PPP3CA: variants seen among roughly 807,000 people sequenced by gnomAD.
PPP3CA encodes CAM-PRP catalytic subunit.
Under a neutral mutation model 66.5 loss-of-function variants are expected in PPP3CA, and 14 were observed. The observed-to-expected ratio is 0.21, with a 90% CI of 0.14 to 0.33. The LOEUF (loss-of-function observed/expected upper bound fraction) is 0.33. Among genes scored for constraint, PPP3CA ranks in the 10% least tolerant of loss-of-function variants. PPP3CA has a pLI of 1.00. For missense variants in PPP3CA, 317 were observed against 639.5 expected, an observed-to-expected ratio of 0.50 and a Z score of 5.44; for synonymous variants, 232 against 226.2, an observed-to-expected ratio of 1.03 and a Z score of -0.23.
At chr4:101,146,297 G>A (rs150858463) in intron 2 of PPP3CA, among the ~76,000 whole-genome samples, 245 of 152,224 alleles carry the variant, frequency 1.6e-3, no homozygotes, top group African/African-American at 5.7e-3. Flanking sequence ...CAGGCAACAG[G>A]GTAATGGATG....
intron 10 of PPP3CA, among the ~76,000 whole-genome samples, chr4:101,056,836 C>CA (rs572758644): frequency 0.029 from 2,337 of 79,584 alleles, 47 homozygotes; most frequent in African/African-American, 0.065. Context: ...ATAATGTTAC[C>CA]AAAAAAAAAA....
chr4:101,233,884 T>C (rs143538819), intron 1 of PPP3CA, among the ~76,000 whole-genome samples: 2 of 151,776 alleles, frequency 1.3e-5, no homozygotes, highest in East Asian at 3.9e-4. Context: ...TCATACCCAA[T>C]AGATATTTTT....
At position 101,346,594 on chromosome 4, in the gene PPP3CA, G is replaced by A. The variant is rs966840689; in HGVS notation, c.58+145C>T. On this transcript the variant is annotated intron_variant, in intron 1 of 13. Coordinates refer to ENST00000394854, the MANE Select transcript of PPP3CA (RefSeq NM_000944.5). ...GGGCGGGGGGTTCGCGGGGTTCGCG[G>A]GTTGCACAATATCCTAGAAGGTCCG... 8.9e-6 allele frequency: 6 copies of A among 675,588 alleles called. No individual in the cohort carries two copies. The Admixed American group carries it at 1.3e-4, about 15-fold the overall frequency. 41.8% of individuals were successfully genotyped at this position (675,588 alleles called of 1,614,324 possible). A position where few individuals can be genotyped will look rare whatever the true frequency, so the allele number is the denominator to read the frequency against.
At chr4:101,119,143 A>C (rs987711915) in intron 2 of PPP3CA, among the ~76,000 whole-genome samples, 1 of 152,034 alleles carries the variant, frequency 6.6e-6, no homozygotes. Context: ...ATCTGTAATC[A>C]ATGTGGCCAT....
intron 1 of PPP3CA, among the ~76,000 whole-genome samples, chr4:101,246,326 GA>G (rs1560678452): frequency 6.6e-6 from 1 of 152,138 alleles, no homozygotes; most frequent in Non-Finnish European, 1.5e-5. Flanking sequence ...TTTAAGAGAG[GA>G]AGGGGCCAAT....
At chr4:101,096,196 T>C (rs556837351) in intron 5 of PPP3CA, among the ~76,000 whole-genome samples, 5 of 152,322 alleles carry the variant, frequency 3.3e-5, no homozygotes, top group African/African-American at 1.2e-4. Flanking sequence ...CACTTGAACC[T>C]CAATGATAGG....
chr4:101,147,172 T>G (rs545599269), intron 2 of PPP3CA, among the ~76,000 whole-genome samples: 1 of 152,328 alleles, frequency 6.6e-6, no homozygotes, highest in African/African-American at 2.4e-5. Context: ...ACTCTGTTGT[T>G]AAAGGCAATA....
intron 4 of PPP3CA, among the ~76,000 whole-genome samples, chr4:101,099,132 T>C (rs1172389572): frequency 6.6e-6 from 1 of 151,840 alleles, no homozygotes; most frequent in Admixed American, 6.6e-5. Context: ...ATAAGAAAAA[T>C]TGTAAGGAGG....
intron 1 of PPP3CA, among the ~76,000 whole-genome samples, chr4:101,343,336 T>C (rs1729875431): frequency 6.6e-6 from 1 of 152,106 alleles, no homozygotes. Context: ...CAATAGGGAA[T>C]GCTAGGGCCA....
At chr4:101,077,471 T>G (rs1335454321) in intron 8 of PPP3CA, among the ~76,000 whole-genome samples, 1 of 152,214 alleles carries the variant, frequency 6.6e-6, no homozygotes, top group East Asian at 1.9e-4. Context: ...TTTATTACAC[T>G]GCTTTTAAAA....
In PPP3CA at chr4:101,158,001, T is replaced by C. The variant is rs185832561; in HGVS notation, c.259+37915A>G. 3.3e-5 allele frequency among the ~76,000 whole-genome samples: 5 copies of C among 152,292 alleles called. No homozygotes were observed. In the East Asian group the frequency reaches 9.6e-4, roughly 29 times the overall value. On this transcript the variant is annotated intron_variant, in intron 2 of 13. Coordinates refer to ENST00000394854, the MANE Select transcript of PPP3CA (RefSeq NM_000944.5). ...AAATAATGAAAATAATGATGTCATA[T>C]TGATATACATCCTAATTAACACAGA...
intron 1 of PPP3CA, among the ~76,000 whole-genome samples, chr4:101,231,118 C>T (rs1725947039): frequency 6.6e-6 from 1 of 151,682 alleles, no homozygotes; most frequent in South Asian, 2.1e-4. Context: ...GACCACTCTT[C>T]TTTCCCACCT....
At chr4:101,208,940 T>C (rs1282243570) in intron 1 of PPP3CA, among the ~76,000 whole-genome samples, 1 of 152,112 alleles carries the variant, frequency 6.6e-6, no homozygotes, top group Non-Finnish European at 1.5e-5. Flanking sequence ...TCATTACATA[T>C]CGGAGGAAGA....
chr4:101,189,522 T>A (rs1467349790), intron 2 of PPP3CA, among the ~76,000 whole-genome samples: 1 of 151,990 alleles, frequency 6.6e-6, no homozygotes, highest in Admixed American at 6.6e-5. Context: ...GCTTGGGATT[T>A]AATCCCAATT....
intron 3 of PPP3CA, among the ~76,000 whole-genome samples, chr4:101,106,472 AAAG>A (rs1730749679): frequency 1.8e-5 from 1 of 54,282 alleles, no homozygotes; most frequent in Admixed American, 1.5e-4. Context: ...AAAGAAAAGA[AAAG>A]AAAAGAAAAG....
chr4:101,263,439 A>G (rs1727068882), intron 1 of PPP3CA, among the ~76,000 whole-genome samples: 1 of 152,188 alleles, frequency 6.6e-6, no homozygotes, highest in Non-Finnish European at 1.5e-5. Context: ...TATAATCAAC[A>G]AACAAATGTT....
At chr4:101,273,429 C>T (rs1313565467) in intron 1 of PPP3CA, among the ~76,000 whole-genome samples, 5 of 152,092 alleles carry the variant, frequency 3.3e-5, no homozygotes, top group Admixed American at 2.0e-4. Flanking sequence ...CGGGTTCAAG[C>T]TATTCTCCTG....
At chr4:101,124,785 AAG>A (rs1560614697) in intron 2 of PPP3CA, among the ~76,000 whole-genome samples, 5 of 128,848 alleles carry the variant, frequency 3.9e-5, no homozygotes, top group African/African-American at 1.7e-4. Context: ...GAAAGAAAGA[AAG>A]AAAGAAAGAA....
chr4:101,066,262 A>G (rs1418069048), intron 8 of PPP3CA, among the ~76,000 whole-genome samples: 1 of 152,150 alleles, frequency 6.6e-6, no homozygotes, highest in East Asian at 1.9e-4. Flanking sequence ...TAATCTCTTT[A>G]AAGAAGAGCA....
Sources: allele counts gnomAD v4.1 joint callset (sites outside exome capture counted in the v4.1 genomes callset), GRCh38; gene constraint gnomAD v4.1.1; transcripts MANE v1.5; gene names NCBI Gene and HGNC (gene_info 2026-07-23, HGNC 2026-07-21).